The following KRT13 variants were observed in gnomAD, a reference collection of about 807,000 sequenced individuals.
The protein encoded by KRT13 is keratin 13, also known as keratin, type I cytoskeletal 13.
A neutral mutation model predicts 40.6 loss-of-function variants in KRT13; 27 were observed. The ratio of observed to expected loss-of-function variants is 0.67; its 90% CI spans 0.49 to 0.92. The LOEUF (loss-of-function observed/expected upper bound fraction) is 0.92. KRT13 is among the 40% of genes least tolerant of loss of function. KRT13 has a pLI of 0.00. For synonymous variants in KRT13, 266 were observed against 240.3 expected (o/e 1.11, Z -0.99); for missense variants, 605 against 611.5 (o/e 0.99, Z 0.11).
Position 41,505,303 on chromosome 17 carries a change from C to T in KRT13, c.248G>A (p.Gly83Glu). 1 of 1,614,120 alleles carries T rather than the reference C, an allele frequency of 6.2e-7. No individual in the cohort carries two copies. Among genetic ancestry groups the T allele is most frequent in the Non-Finnish European group, 8.5e-7 (1 of 1,179,980 alleles). Residue 83 changes from glycine to glutamate, a missense_variant, in exon 1 of 8, where the codon GGG becomes GAG. Physicochemically the swap from Gly to Glu is moderately conservative, Grantham distance 98. Transcript: ENST00000246635. Reference sequence around the variant, plus strand: ...GTCAACAAAGCCACCAGCAAAACCCCCACCAAAGCCACCTCCAAGGCCACC... The same window carrying T: ...GTCAACAAAGCCACCAGCAAAACCCTCACCAAAGCCACCTCCAAGGCCACC... ...YGGGLGGGFG[G>E]GFAGGFVDFG...
intron 6 of KRT13, chr17:41,502,023 C>T (rs573954696): frequency 1.6e-5 from 22 of 1,417,868 alleles, no homozygotes; most frequent in Non-Finnish European, 1.8e-5. Context: ...ACCCGCAACC[C>T]TCCACCTGAG....
rs920612770 is a variant in KRT13 at position 41,501,413 on chromosome 17, G to A, written c.1271-51C>T. On this transcript the variant is annotated intron_variant, in intron 7 of 7. Transcript: ENST00000246635. Reference sequence around the variant, plus strand: ...TCAGGCTGGAGAAGACCCACCTCAGGACAGGGCAGGGCCCCCCTGGAGGGC... The same window carrying A: ...TCAGGCTGGAGAAGACCCACCTCAGAACAGGGCAGGGCCCCCCTGGAGGGC... 9.8e-6 allele frequency: 14 copies of A among 1,428,700 alleles called. 1 individual carries two copies. The highest frequency in any genetic ancestry group is 1.4e-5 in the Non-Finnish European group (14 of 1,035,270). 88.5% of individuals were successfully genotyped at this position (1,428,700 alleles called of 1,614,324 possible).
chr17:41,503,191 G>T (rs1351800489), intron 3 of KRT13, 93 bp from the exon 4 acceptor site: 2 of 1,604,550 alleles, frequency 1.2e-6, no homozygotes, highest in East Asian at 2.2e-5. Flanking sequence ...AGTGTTTCCA[G>T]GTCCCACAGT....
At chr17:41,501,424 GC>G (rs540960561) in intron 7 of KRT13, 62 bp from the exon 8 acceptor site, 3 of 1,380,114 alleles carry the variant, frequency 2.2e-6, no homozygotes, top group Non-Finnish European at 3.0e-6. Context: ...ACAGGGCAGG[GC>G]CCCCCTGGAG....
intron 6 of KRT13, 105 bp from the exon 7 acceptor site, chr17:41,501,849 C>T (rs1904863973): frequency 6.5e-7 from 1 of 1,549,782 alleles, no homozygotes; most frequent in Non-Finnish European, 8.7e-7. Context: ...AGCCCCTGGG[C>T]TGGACTCTAG....
At chr17:41,501,778 G>C in intron 6 of KRT13, 34 bp from the exon 7 acceptor site, 2 of 1,587,020 alleles carry the variant, frequency 1.3e-6, no homozygotes, top group Middle Eastern at 3.3e-4. Flanking sequence ...CATGAGCAGA[G>C]GGTAACTGAG....
intron 7 of KRT13, 141 bp downstream of exon 7, chr17:41,501,578 A>G (rs1233609347): frequency 1.4e-6 from 2 of 1,420,862 alleles, no homozygotes; most frequent in Non-Finnish European, 1.9e-6. Flanking sequence ...GCGAATGACC[A>G]CTTCCACCCC....
At chr17:41,502,346 C>A in intron 6 of KRT13, 28 bp downstream of exon 6, 1 of 1,613,772 alleles carries the variant, frequency 6.2e-7, no homozygotes, top group Non-Finnish European at 8.5e-7. Flanking sequence ...CAGTCACTAT[C>A]CTAAGAAAGA....
intron 6 of KRT13, 50 bp from the exon 7 acceptor site, chr17:41,501,794 G>T: frequency 6.4e-7 from 1 of 1,574,398 alleles, no homozygotes; most frequent in Non-Finnish European, 8.6e-7. Flanking sequence ...CTGAGGGCAG[G>T]TGCTTACCTG....
rs947081072 is a variant in KRT13, at chr17:41,501,107, C to T, written c.*149G>A. On this transcript the variant is annotated 3_prime_UTR_variant, in exon 8 of 8. Coordinates refer to ENST00000246635, the MANE Select transcript of KRT13 (RefSeq NM_153490.3). ...GACCGGAAGAGAAGAGCACAGAGGG[C>T]CCACCATCAGGAGAGAGTCAGGACA... is the stretch of plus-strand genomic sequence containing the variant. 5.2e-5 allele frequency: 33 copies of T among 629,914 alleles called. No individual in the cohort carries two copies. The highest frequency in any genetic ancestry group is 3.3e-4 in the East Asian group (11 of 33,224). The allele number at this position is 629,914 out of a possible 1,614,324, so 39.0% of individuals were successfully genotyped here. A position where few individuals can be genotyped will look rare whatever the true frequency, so the allele number is the denominator to read the frequency against.
At chr17:41,503,982 A>C in intron 1 of KRT13, 1 of 480,656 alleles carries the variant, frequency 2.1e-6, no homozygotes. Flanking sequence ...CACAGGTTAG[A>C]CAAGCTTGCT....
In KRT13 at chr17:41,502,441, C is replaced by A. The variant is rs1347118843; in HGVS notation, c.1177G>T (p.Asp393Tyr). ...CQNQEYKMLL[D>Y]IKTRLEQEIA... The stretch of plus-strand genomic sequence containing the variant: ...TCCTGCTCCAGACGTGTCTTGATGT[C>A]CAGCAGCATCTTGTACTCTTGGTTC... The change falls in exon 6 of 8, where the codon GAC becomes TAC. Residue 393 changes from aspartate (D) to tyrosine (Y), a missense_variant. Asp to Tyr is a radical substitution (Grantham distance 160). Transcript: ENST00000246635. 2.5e-6 allele frequency: 4 copies of A among 1,614,236 alleles called. No homozygotes were observed. The East Asian group carries it at 8.9e-5, about 36-fold the overall frequency.
rs954276841 is a variant in KRT13, at chr17:41,503,998, G to A, written c.496-273C>T. The stretch of plus-strand genomic sequence containing the variant: ...ACAGGTTAGACAAGCTTGCTCTGGG[G>A]GGTCCACGTGCTTGAGGAGGTGGCC... On this transcript the variant is annotated intron_variant, in intron 1 of 7. Coordinates refer to ENST00000246635, the MANE Select transcript of KRT13 (RefSeq NM_153490.3). 8.9e-6 allele frequency: 4 copies of A among 448,370 alleles called. No homozygotes were observed. The East Asian group carries it at 1.9e-4, about 21-fold the overall frequency. 27.8% of individuals were successfully genotyped at this position (448,370 alleles called of 1,614,324 possible). A position where few individuals can be genotyped will look rare whatever the true frequency, so the allele number is the denominator to read the frequency against.
intron 6 of KRT13, 194 bp downstream of exon 6, chr17:41,502,180 G>C: frequency 6.7e-7 from 1 of 1,487,272 alleles, no homozygotes. Context: ...GTTCCCTCCA[G>C]TCTAACTTGG....
In KRT13 at chr17:41,503,017, C is replaced by T. The variant is rs1208867074; in HGVS notation, c.817G>A (p.Val273Met). The T allele has an allele frequency of 7.4e-6, 12 of 1,614,212 alleles. No individual in the cohort carries two copies. Among genetic ancestry groups the T allele is most frequent in the Admixed American group, 1.7e-5 (1 of 60,024 alleles). Residue 273 changes from valine to methionine, a missense_variant, in exon 4 of 8, where the codon GTG (valine) becomes ATG (methionine). Transcript: ENST00000246635. ...DATPGIDLTR[V>M]LAEMREQYEA... ...TACTGCTCCCTCATCTCTGCCAGCACGCGGGTCAGGTCAATGCCTGGGGTG... is the reference window on the plus strand; with the variant it reads ...TACTGCTCCCTCATCTCTGCCAGCATGCGGGTCAGGTCAATGCCTGGGGTG...
In KRT13 at chr17:41,501,333, TAACAGAG is replaced by T; in HGVS notation, c.1293_1299del (p.Ser432ProfsTer73). On this transcript the variant is annotated frameshift_variant, in exon 8 of 8. Transcript: ENST00000246635. LOFTEE classifies it low-confidence loss of function (END_TRUNC). ...GTAACAGAGGCACTAGAAGTCGTGG[TAACAGAG>T]GTGCTACGGGGGCTGACGCTTCCTG... 1 of 1,572,432 alleles carries T rather than the reference TAACAGAG, an allele frequency of 6.4e-7. No homozygotes were observed. Among genetic ancestry groups the T allele is most frequent in the Non-Finnish European group, 8.6e-7 (1 of 1,158,528 alleles).
intron 1 of KRT13, 110 bp from the exon 2 acceptor site, chr17:41,503,835 A>T: frequency 1.2e-6 from 1 of 810,234 alleles, no homozygotes; most frequent in Non-Finnish European, 2.2e-6. Flanking sequence ...AAATACGCTA[A>T]CACTAACGAT....
Position 41,505,468 on chromosome 17 carries a change from C to CCA in KRT13, c.81_82dup (p.Gly28ValfsTer23), listed in dbSNP as rs757780391. 1.2e-6 allele frequency: 2 copies of CCA among 1,614,134 alleles called. No homozygotes were observed. The highest frequency in any genetic ancestry group is 3.3e-5 in the Admixed American group (2 of 60,024). ...AAACCGAGTTGAACAGGTAGAGACA[C>CCA]CACGGCCTCCTCCCAGCTGGCAAGA... On this transcript the variant is annotated frameshift_variant, in exon 1 of 8. Coordinates refer to ENST00000246635, the MANE Select transcript of KRT13 (RefSeq NM_153490.3). LOFTEE classifies it high-confidence loss of function.
chr17:41,501,370 A>G lies in KRT13; in HGVS notation c.1271-8T>C. On this transcript the variant is annotated splice_polypyrimidine_tract_variant and splice_region_variant and intron_variant, in intron 7 of 7. Transcript: ENST00000246635. ...TACGGGGGCTGACGCTTCCTGGGAA[A>G]CAAGAGACAAGACATGCTCAGGCTG... is the stretch of plus-strand genomic sequence containing the variant. 1 of 1,548,522 alleles carries G rather than the reference A, an allele frequency of 6.5e-7. No individual in the cohort carries two copies. Among genetic ancestry groups the G allele is most frequent in the Non-Finnish European group, 8.8e-7 (1 of 1,142,358 alleles).
Sources: gnomAD v4.1 joint callset for allele counts on GRCh38, gnomAD v4.1.1 for gene constraint, MANE v1.5 for transcripts, NCBI Gene and HGNC (gene_info 2026-07-23, HGNC 2026-07-21) for gene names.